ARB2A: variants seen among roughly 807,000 people sequenced by gnomAD.
ARB2A encodes the protein cotranscriptional regulator ARB2A.
At chr5:93,757,798 A>G in the ARB2A span, among the ~76,000 whole-genome samples, 1 of 152,190 alleles carries the variant, frequency 6.6e-6, no homozygotes, top group Non-Finnish European at 1.5e-5. Context: ...CAGGACCTAA[A>G]AAACAAAAAT....
chr5:93,795,535 T>C, the ARB2A span, among the ~76,000 whole-genome samples: 18 of 152,250 alleles, frequency 1.2e-4, no homozygotes, highest in Admixed American at 1.2e-3. Flanking sequence ...GATGTGAGCC[T>C]CCACACACTG....
At chr5:93,756,421 C>A in the ARB2A span, among the ~76,000 whole-genome samples, 1 of 152,192 alleles carries the variant, frequency 6.6e-6, no homozygotes, top group African/African-American at 2.4e-5. Context: ...GGCCAACCAG[C>A]ACAAAAATAA....
At chr5:93,824,882 A>G in the ARB2A span, among the ~76,000 whole-genome samples, 1 of 152,210 alleles carries the variant, frequency 6.6e-6, no homozygotes, top group African/African-American at 2.4e-5. Flanking sequence ...AACAGATGCT[A>G]TTGTTCTTTG....
At chr5:93,722,535 A>T in the ARB2A span, among the ~76,000 whole-genome samples, 1 of 152,118 alleles carries the variant, frequency 6.6e-6, no homozygotes, top group African/African-American at 2.4e-5. Context: ...GCTTTAAAAG[A>T]AAAAAAGCTT....
At chr5:93,734,266 T>G in the ARB2A span, 1 of 152,146 alleles carries the variant, frequency 6.6e-6, no homozygotes, top group African/African-American at 2.4e-5. Context: ...TTATGTAAAA[T>G]GCAACTCAGG....
the ARB2A span, among the ~76,000 whole-genome samples, chr5:93,917,077 A>C: frequency 6.6e-6 from 1 of 152,156 alleles, no homozygotes; most frequent in Non-Finnish European, 1.5e-5. Flanking sequence ...ATCTCAACAA[A>C]ATAATGACAA....
chr5:93,787,493 C>T, the ARB2A span, among the ~76,000 whole-genome samples: 1 of 152,228 alleles, frequency 6.6e-6, no homozygotes, highest in Admixed American at 6.5e-5. Flanking sequence ...AATTAATTCT[C>T]ATTTTACTCT....
chr5:93,906,731 A>G, the ARB2A span, among the ~76,000 whole-genome samples: 1 of 151,548 alleles, frequency 6.6e-6, no homozygotes, highest in Non-Finnish European at 1.5e-5. Flanking sequence ...AACTGAAAAG[A>G]TAATCTGGTA....
the ARB2A span, among the ~76,000 whole-genome samples, chr5:94,002,383 C>G: frequency 6.6e-6 from 1 of 151,990 alleles, no homozygotes. Context: ...CTAGGTCCCT[C>G]TGGAGTTTTT....
At chr5:93,926,731 C>T in the ARB2A span, among the ~76,000 whole-genome samples, 9 of 150,516 alleles carry the variant, frequency 6.0e-5, no homozygotes, top group South Asian at 2.1e-4. Context: ...CAAATGAGGA[C>T]GTTAATACCA....
At chr5:94,093,966 G>C in the ARB2A span, among the ~76,000 whole-genome samples, 1 of 152,186 alleles carries the variant, frequency 6.6e-6, no homozygotes, top group Admixed American at 6.5e-5. Context: ...CCCCAAACCA[G>C]TGCCAAACTT....
chr5:93,713,641 A>C, the ARB2A span, among the ~76,000 whole-genome samples: 2 of 152,184 alleles, frequency 1.3e-5, no homozygotes, highest in South Asian at 2.1e-4. Context: ...GGAGGTTCCC[A>C]AAAAACTAAA....
chr5:93,767,232 G>A, the ARB2A span, among the ~76,000 whole-genome samples: 3 of 152,064 alleles, frequency 2.0e-5, no homozygotes, highest in Admixed American at 6.5e-5. Context: ...GATATGAATA[G>A]ACAATTCTCA....
At chr5:93,978,571 C>T in the ARB2A span, among the ~76,000 whole-genome samples, 1 of 152,074 alleles carries the variant, frequency 6.6e-6, no homozygotes, top group South Asian at 2.1e-4. Flanking sequence ...ATTGGGTAGA[C>T]ATGGGCACAA....
At chr5:94,068,862 CAAA>C in the ARB2A span, among the ~76,000 whole-genome samples, 1 of 62,330 alleles carries the variant, frequency 1.6e-5, no homozygotes. Flanking sequence ...ACTAAAAATA[CAAA>C]AAAAAAAAAA....
chr5:93,740,817 C>T, the ARB2A span: 1 of 1,613,648 alleles, frequency 6.2e-7, no homozygotes, highest in Non-Finnish European at 8.5e-7. Context: ...CATCCTTCTG[C>T]AGCTGGAGGC....
chr5:93,682,825 T>C, the ARB2A span: 1 of 1,278,632 alleles, frequency 7.8e-7, no homozygotes, highest in Non-Finnish European at 1.1e-6. Flanking sequence ...ACAAATTGTT[T>C]AAACTATTTT....
the ARB2A span, among the ~76,000 whole-genome samples, chr5:93,976,783 C>T: frequency 6.6e-6 from 1 of 152,060 alleles, no homozygotes; most frequent in African/African-American, 2.4e-5. Context: ...TGGACTACTA[C>T]AGCATCTAAA....
At chr5:93,706,124 CA>C in the ARB2A span, among the ~76,000 whole-genome samples, 2 of 152,006 alleles carry the variant, frequency 1.3e-5, no homozygotes, top group Admixed American at 6.6e-5. Context: ...TCATAGTAGC[CA>C]AAAAGTGAAA....
Sources: gnomAD v4.1 joint callset for allele counts (sites outside exome capture counted in the v4.1 genomes callset) on GRCh38, gnomAD v4.1.1 for gene constraint, MANE v1.5 for transcripts, NCBI Gene and HGNC (gene_info 2026-07-23, HGNC 2026-07-21) for gene names.